Variants in EYS observed in about 807,000 individuals in gnomAD.
EYS encodes the protein EGF-like photoreceptor maintenance factor, also known as protein eyes shut homolog.
A neutral mutation model predicts 282.1 loss-of-function variants in EYS; 250 were observed. The observed-to-expected ratio is 0.89, with a 90% CI of 0.80 to 0.98. EYS has a LOEUF of 0.98. Ranked by LOEUF, EYS falls within the 50% of genes least tolerant of loss-of-function variation. The pLI, the probability that EYS is intolerant of heterozygous loss-of-function variation, is 0.00. For missense variants in EYS, 4,016 were observed against 3,709.0 expected (o/e 1.08, Z -2.15); for synonymous variants, 1,355 against 1,282.9 (o/e 1.06, Z -1.20).
chr6:65,156,284 T>C (rs1052727800), intron 12 of EYS, among the ~76,000 whole-genome samples: 3 of 151,268 alleles, frequency 2.0e-5, no homozygotes, highest in Non-Finnish European at 3.0e-5. Context: ...ATTCAATTCC[T>C]ATGCTGTCCA....
At chr6:64,124,856 GAGAAGA>G (rs143344956) in intron 31 of EYS, among the ~76,000 whole-genome samples, 8 of 152,116 alleles carry the variant, frequency 5.3e-5, no homozygotes, top group African/African-American at 1.9e-4. Context: ...GAGGAAATGA[GAGAAGA>G]AGATGTGCAA....
chr6:65,203,541 T>C (rs1402973955), intron 12 of EYS, among the ~76,000 whole-genome samples: 1 of 152,160 alleles, frequency 6.6e-6, no homozygotes, highest in Non-Finnish European at 1.5e-5. Flanking sequence ...CTACCTGACA[T>C]GTGCAACAGT....
At chr6:65,192,083 G>T (rs1329504734) in intron 12 of EYS, among the ~76,000 whole-genome samples, 2 of 151,680 alleles carry the variant, frequency 1.3e-5, no homozygotes, top group Non-Finnish European at 2.9e-5. Flanking sequence ...AACTGGCCAT[G>T]ATAAATACAA....
chr6:64,212,848 T>C (rs764496385), intron 31 of EYS, among the ~76,000 whole-genome samples: 43 of 152,226 alleles, frequency 2.8e-4, no homozygotes, highest in Middle Eastern at 3.4e-3. Context: ...AGCAAAGACA[T>C]AGAATCAACC....
chr6:64,726,957 T>A (rs1056910082), intron 22 of EYS, among the ~76,000 whole-genome samples: 3 of 152,158 alleles, frequency 2.0e-5, no homozygotes, highest in Non-Finnish European at 2.9e-5. Context: ...AGCATGCATG[T>A]GTAATTTGCA....
At chr6:64,648,923 T>G (rs563942070) in intron 22 of EYS, among the ~76,000 whole-genome samples, 233 of 152,330 alleles carry the variant, frequency 1.5e-3, no homozygotes, top group African/African-American at 5.2e-3. Context: ...TCATAGGAAA[T>G]GCTGAAGTAT....
At chr6:65,338,635 C>T (rs1344030338) in intron 10 of EYS, among the ~76,000 whole-genome samples, 1 of 150,818 alleles carries the variant, frequency 6.6e-6, no homozygotes, top group Non-Finnish European at 1.5e-5. Flanking sequence ...ACAAAATACA[C>T]ACAAATTAAA....
At chr6:64,481,702 G>A (rs1044094746) in intron 26 of EYS, among the ~76,000 whole-genome samples, 1 of 74,200 alleles carries the variant, frequency 1.3e-5, no homozygotes, top group African/African-American at 4.2e-5. Flanking sequence ...GAATTAATGT[G>A]ATCAAAGAAT....
rs151297817 is a variant in EYS at position 64,761,662 on chromosome 6, G to A, written c.3443+51716C>T. On this transcript the variant is annotated intron_variant, in intron 22 of 42. Transcript: ENST00000503581. ...AGTAGAGATGGGGTTTCACCATGTT[G>A]GCCAGGATGGTTTCTATCTACTGAC... Among the ~76,000 whole-genome samples the A allele has an allele frequency of 2.4e-3, 369 of 152,142 alleles. 1 individual carries two copies. The highest frequency in any genetic ancestry group is 4.5e-3 in the Admixed American group (69 of 15,284).
chr6:64,380,122 T>TG (rs1291429821), intron 29 of EYS, among the ~76,000 whole-genome samples: 1 of 151,874 alleles, frequency 6.6e-6, no homozygotes, highest in Non-Finnish European at 1.5e-5. Flanking sequence ...AATTTTTTTT[T>TG]TATTCCAGGC....
chr6:65,197,586 G>A (rs932873514), intron 12 of EYS, among the ~76,000 whole-genome samples: 1 of 152,068 alleles, frequency 6.6e-6, no homozygotes, highest in Non-Finnish European at 1.5e-5. Context: ...CACTTAACAA[G>A]GGGGTATGTT....
intron 36 of EYS, among the ~76,000 whole-genome samples, chr6:63,812,470 G>A (rs531598185): frequency 2.6e-4 from 39 of 152,028 alleles, no homozygotes; most frequent in Non-Finnish European, 4.9e-4. Context: ...CTCTTAACCT[G>A]CTTTATTTAC....
At chr6:65,028,233 G>A (rs1772482725) in intron 13 of EYS, among the ~76,000 whole-genome samples, 2 of 151,852 alleles carry the variant, frequency 1.3e-5, no homozygotes, top group Non-Finnish European at 2.9e-5. Flanking sequence ...TTTACTCAGA[G>A]TCCCAAAATG....
chr6:65,037,745 ACCCTTAGTT>A (rs1772812051), intron 13 of EYS, among the ~76,000 whole-genome samples: 1 of 151,652 alleles, frequency 6.6e-6, no homozygotes. Context: ...TAGTTTTAGC[ACCCTTAGTT>A]CCCACATTGT....
chr6:64,634,342 T>C (rs952371507), intron 22 of EYS, among the ~76,000 whole-genome samples: 5 of 152,136 alleles, frequency 3.3e-5, no homozygotes, highest in Non-Finnish European at 7.4e-5. Context: ...CAATACATAA[T>C]TATGTACAAA....
chr6:65,050,924 T>A (rs1229036451), intron 13 of EYS, among the ~76,000 whole-genome samples: 2 of 151,702 alleles, frequency 1.3e-5, no homozygotes, highest in Non-Finnish European at 3.0e-5. Context: ...TGAGTTTTGT[T>A]CTTCTTTGTT....
At chr6:65,425,382 C>A (rs1197605736) in intron 5 of EYS, among the ~76,000 whole-genome samples, 3 of 151,916 alleles carry the variant, frequency 2.0e-5, no homozygotes, top group Non-Finnish European at 4.4e-5. Flanking sequence ...CACTTGTTTT[C>A]TTTATGTTTT....
intron 35 of EYS, among the ~76,000 whole-genome samples, chr6:63,900,527 G>A (rs572633409): frequency 1.3e-5 from 2 of 152,324 alleles, no homozygotes; most frequent in African/African-American, 4.8e-5. Flanking sequence ...GCACAGCAGA[G>A]CTTACAGAAG....
intron 5 of EYS, among the ~76,000 whole-genome samples, chr6:65,450,595 G>A (rs1164511389): frequency 6.6e-6 from 1 of 152,118 alleles, no homozygotes; most frequent in East Asian, 1.9e-4. Context: ...AGTGGCCTAG[G>A]CCTTTATATC....
Sources: allele counts gnomAD v4.1 joint callset (sites outside exome capture counted in the v4.1 genomes callset), GRCh38; gene constraint gnomAD v4.1.1; transcripts MANE v1.5; gene names NCBI Gene and HGNC (gene_info 2026-07-23, HGNC 2026-07-21).